Variants in NAALADL2 observed in about 807,000 individuals in gnomAD.
NAALADL2 encodes N-acetylated alpha-linked acidic dipeptidase like 2, also known as inactive N-acetylated-alpha-linked acidic dipeptidase-like protein 2.
NAALADL2 carries 76 observed loss-of-function variants against 87.2 expected under a neutral mutation model. That is an observed-to-expected ratio of 0.87 (90% CI 0.72 to 1.05). NAALADL2 has a LOEUF of 1.05. NAALADL2 is among the 50% of genes least tolerant of loss of function. The probability of loss-of-function intolerance (pLI) is 0.00; values close to 1 mark genes in which losing one functional copy is unlikely to be tolerated. For synonymous variants in NAALADL2, 354 were observed against 331.0 expected (o/e 1.07, Z -0.75); for missense variants, 1,089 against 945.8 (o/e 1.15, Z -1.99).
chr3:175,066,528 T>C (rs1714568373), intron 1 of NAALADL2, among the ~76,000 whole-genome samples: 1 of 152,100 alleles, frequency 6.6e-6, no homozygotes, highest in African/African-American at 2.4e-5. Context: ...CCAAAAGTGC[T>C]TGTAACTGGA....
chr3:175,791,022 C>CAAAT (rs1013560998), intron 13 of NAALADL2, among the ~76,000 whole-genome samples: 6 of 152,124 alleles, frequency 3.9e-5, no homozygotes, highest in African/African-American at 1.4e-4. Flanking sequence ...AATACAGACT[C>CAAAT]AAATAAAGCA....
chr3:175,393,860 A>G (rs929480464), intron 5 of NAALADL2, among the ~76,000 whole-genome samples: 1 of 152,208 alleles, frequency 6.6e-6, no homozygotes, highest in Non-Finnish European at 1.5e-5. Flanking sequence ...TTTGGTAGCT[A>G]TGTCTTCAAC....
intron 1 of NAALADL2, among the ~76,000 whole-genome samples, chr3:174,479,949 T>C (rs553036675): frequency 2.0e-5 from 3 of 152,254 alleles, no homozygotes; most frequent in Admixed American, 1.3e-4. Context: ...TTTTTAAAAA[T>C]GACATTTTAA....
intron 2 of NAALADL2, among the ~76,000 whole-genome samples, chr3:174,623,361 T>C (rs1347719826): frequency 1.3e-5 from 2 of 152,194 alleles, no homozygotes; most frequent in East Asian, 3.9e-4. Flanking sequence ...TTTACATTTC[T>C]CTGACTGCCA....
At chr3:175,350,159 G>C (rs1376394755) in intron 5 of NAALADL2, among the ~76,000 whole-genome samples, 1 of 151,598 alleles carries the variant, frequency 6.6e-6, no homozygotes, top group Non-Finnish European at 1.5e-5. Context: ...TAGTAGGCTG[G>C]CTTTTATCCT....
chr3:174,509,885 G>A (rs1719485075), intron 1 of NAALADL2, among the ~76,000 whole-genome samples: 1 of 152,032 alleles, frequency 6.6e-6, no homozygotes, highest in African/African-American at 2.4e-5. Context: ...ATGCAGTGCA[G>A]TCCTTAACAG....
intron 9 of NAALADL2, among the ~76,000 whole-genome samples, chr3:175,506,719 AT>A (rs1406652981): frequency 6.6e-6 from 1 of 152,212 alleles, no homozygotes; most frequent in African/African-American, 2.4e-5. Flanking sequence ...GGCTTTTTAG[AT>A]GTAAGCTCTT....
At chr3:174,880,597 T>C (rs1399394116) in intron 1 of NAALADL2, among the ~76,000 whole-genome samples, 1 of 152,098 alleles carries the variant, frequency 6.6e-6, no homozygotes, top group African/African-American at 2.4e-5. Flanking sequence ...TCTTAGAACA[T>C]GACTGAGGTG....
chr3:175,399,944 T>C lies in NAALADL2; in HGVS notation c.1091-47285T>C, dbSNP rs576029381. 5.3e-5 allele frequency among the ~76,000 whole-genome samples: 8 copies of C among 152,272 alleles called. No individual in the cohort carries two copies. In the East Asian group the frequency reaches 1.2e-3, roughly 22 times the overall value. On this transcript the variant is annotated intron_variant, in intron 5 of 13. Transcript: ENST00000454872. ...TAATGCTATAGCATAGATTCCAACA[T>C]TTTATGTAATGAATCTCTGAAGTGA...
chr3:175,650,476 A>G (rs1306921175), intron 11 of NAALADL2, among the ~76,000 whole-genome samples: 2 of 152,218 alleles, frequency 1.3e-5, no homozygotes, highest in Non-Finnish European at 2.9e-5. Flanking sequence ...CATGCAATGG[A>G]TGAATTTTGT....
intron 3 of NAALADL2, among the ~76,000 whole-genome samples, chr3:174,756,023 G>A (rs1412342030): frequency 6.6e-6 from 1 of 152,180 alleles, no homozygotes; most frequent in Admixed American, 6.5e-5. Context: ...TTCATGAACG[G>A]TCTGGGAGGG....
chr3:175,364,263 AAT>A (rs1765323435), intron 5 of NAALADL2, among the ~76,000 whole-genome samples: 1 of 148,082 alleles, frequency 6.8e-6, no homozygotes, highest in African/African-American at 2.5e-5. Context: ...AAGATCAGAA[AAT>A]ATGTCTTTTT....
intron 2 of NAALADL2, among the ~76,000 whole-genome samples, chr3:175,100,734 A>C (rs752189348): frequency 3.4e-5 from 5 of 148,704 alleles, no homozygotes; most frequent in Non-Finnish European, 7.4e-5. Flanking sequence ...GTTGCTTGGG[A>C]GGCTGAGGCA....
At chr3:175,090,542 C>T (rs9866323) in intron 1 of NAALADL2, among the ~76,000 whole-genome samples, 29,110 of 150,518 alleles carry the variant, frequency 0.19, 2,846 homozygotes, top group East Asian at 0.32. Context: ...CAAATTTACA[C>T]GAACTGACTG....
intron 5 of NAALADL2, among the ~76,000 whole-genome samples, chr3:175,427,237 C>A (rs950806271): frequency 6.6e-6 from 1 of 152,082 alleles, no homozygotes; most frequent in Non-Finnish European, 1.5e-5. Context: ...CAATTTACAA[C>A]AGAAGAAAGG....
intron 9 of NAALADL2, among the ~76,000 whole-genome samples, chr3:175,485,207 A>G (rs1319443159): frequency 3.3e-5 from 5 of 152,156 alleles, no homozygotes; most frequent in African/African-American, 1.2e-4. Flanking sequence ...CAAAATTCAA[A>G]TGTTAAAACC....
chr3:175,584,504 C>A (rs1720263728), intron 10 of NAALADL2, among the ~76,000 whole-genome samples: 1 of 152,172 alleles, frequency 6.6e-6, no homozygotes, highest in African/African-American at 2.4e-5. Context: ...TCAAGGTTTT[C>A]TAGACAAAAT....
chr3:175,032,963 C>T (rs888066838), intron 1 of NAALADL2, among the ~76,000 whole-genome samples: 4 of 152,058 alleles, frequency 2.6e-5, no homozygotes, highest in Admixed American at 2.6e-4. Context: ...AATGCCATCT[C>T]AGCATTTCAG....
At chr3:174,471,599 G>T (rs1716910974) in intron 1 of NAALADL2, among the ~76,000 whole-genome samples, 1 of 151,688 alleles carries the variant, frequency 6.6e-6, no homozygotes, top group Non-Finnish European at 1.5e-5. Flanking sequence ...TATATTAATT[G>T]GTATGCATAG....
Sources: allele counts gnomAD v4.1 joint callset (sites outside exome capture counted in the v4.1 genomes callset), GRCh38; gene constraint gnomAD v4.1.1; transcripts MANE v1.5; gene names NCBI Gene and HGNC (gene_info 2026-07-23, HGNC 2026-07-21).